Variants in HS6ST3 observed in about 807,000 individuals in gnomAD.
HS6ST3 encodes heparan-sulfate 6-O-sulfotransferase 3.
HS6ST3 carries 12 observed loss-of-function variants against 36.7 expected under a neutral mutation model. That is an observed-to-expected ratio of 0.33 (90% CI 0.21 to 0.53). HS6ST3 has a LOEUF of 0.53. HS6ST3 is among the 20% of genes least tolerant of loss of function. The pLI, the probability that HS6ST3 is intolerant of heterozygous loss-of-function variation, is 0.95. For synonymous variants in HS6ST3, 240 were observed against 257.5 expected (o/e 0.93, Z 0.65); for missense variants, 584 against 640.9 (o/e 0.91, Z 0.96).
intron 1 of HS6ST3, among the ~76,000 whole-genome samples, chr13:96,372,535 C>T (rs2055294745): frequency 6.6e-6 from 1 of 152,042 alleles, no homozygotes; most frequent in African/African-American, 2.4e-5. Context: ...CTTTTGGTGT[C>T]ATATCCAAAA....
Position 96,610,216 on chromosome 13 carries a change from C to T in HS6ST3, c.708-222274C>T, listed in dbSNP as rs547227584. 2.6e-5 allele frequency among the ~76,000 whole-genome samples: 4 copies of T among 152,300 alleles called. No homozygotes were observed. In the South Asian group the frequency reaches 8.3e-4, roughly 32 times the overall value. ...ATGCATTTCAAGGTAGAATTAGCTA[C>T]CCTTCTGGGTCATTGTGAAAAATTA... On this transcript the variant is annotated intron_variant, in intron 1 of 1. Transcript: ENST00000376705.
intron 1 of HS6ST3, among the ~76,000 whole-genome samples, chr13:96,390,625 G>A (rs192829144): frequency 3.3e-5 from 5 of 152,164 alleles, no homozygotes; most frequent in African/African-American, 1.2e-4. Flanking sequence ...ACAATATCCT[G>A]AGATCATTCT....
Position 96,832,560 on chromosome 13 carries a change from A to G in HS6ST3, c.778A>G (p.Arg260Gly). The G allele has an allele frequency of 1.2e-6, 2 of 1,613,454 alleles. No homozygotes were observed. The highest frequency in any genetic ancestry group is 8.5e-7 in the Non-Finnish European group (1 of 1,179,690). Residue 260 changes from arginine to glycine, a missense_variant, in exon 2 of 2, where the codon AGA (arginine) becomes GGA (glycine). Coordinates refer to ENST00000376705, the MANE Select transcript of HS6ST3 (RefSeq NM_153456.4). ...RYLSEWKHVQ[R>G]GATWKTSLHM... The stretch of plus-strand genomic sequence containing the variant: ...CCTGAGCGAGTGGAAACATGTCCAG[A>G]GAGGGGCCACTTGGAAAACCTCTCT...
intron 1 of HS6ST3, among the ~76,000 whole-genome samples, chr13:96,684,849 T>A (rs896099527): frequency 6.6e-6 from 1 of 152,050 alleles, no homozygotes; most frequent in South Asian, 2.1e-4. Flanking sequence ...ACTAGATGCA[T>A]TTAAGAGCTG....
intron 1 of HS6ST3, among the ~76,000 whole-genome samples, chr13:96,170,128 A>C (rs1051290063): frequency 6.6e-6 from 1 of 152,234 alleles, no homozygotes; most frequent in African/African-American, 2.4e-5. Context: ...TGATAATATA[A>C]GTGTTTAATT....
Position 96,726,394 on chromosome 13 carries a change from G to C in HS6ST3, c.708-106096G>C, listed in dbSNP as rs191058298. Among the ~76,000 whole-genome samples, 222 of 152,172 alleles carry C rather than the reference G, an allele frequency of 1.5e-3. 1 individual carries two copies. The highest frequency in any genetic ancestry group is 2.6e-3 in the Non-Finnish European group (177 of 67,992). ...ATTTCCCATTTAGTTTTTCTCATGA[G>C]TGTTTTGTTATTTTCAGTGTACAGG... On this transcript the variant is annotated intron_variant, in intron 1 of 1. Transcript: ENST00000376705.
At position 96,164,881 on chromosome 13, in the gene HS6ST3, G is replaced by A. The variant is rs1362788958; in HGVS notation, c.707+73312G>A. Among the ~76,000 whole-genome samples the A allele has an allele frequency of 3.3e-5, 5 of 151,986 alleles. No homozygotes were observed. In the East Asian group the frequency reaches 7.7e-4, roughly 24 times the overall value. ...TTTTAATTACAGCTGTGTTTTCCAG[G>A]ACTAACAAAGTTTAAAAGATACATT... On this transcript the variant is annotated intron_variant, in intron 1 of 1. Transcript: ENST00000376705.
chr13:96,328,135 A>T (rs1424611145), intron 1 of HS6ST3, among the ~76,000 whole-genome samples: 2 of 142,072 alleles, frequency 1.4e-5, no homozygotes, highest in African/African-American at 2.6e-5. Flanking sequence ...AACAGGGACA[A>T]TTTGACTTCC....
intron 1 of HS6ST3, among the ~76,000 whole-genome samples, chr13:96,538,542 CA>C: frequency 6.6e-6 from 1 of 152,204 alleles, no homozygotes; most frequent in African/African-American, 2.4e-5. Flanking sequence ...CTCCTGGGTT[CA>C]GGTGATTCTC....
intron 1 of HS6ST3, among the ~76,000 whole-genome samples, chr13:96,425,121 T>C (rs1374710465): frequency 6.6e-6 from 1 of 152,156 alleles, no homozygotes; most frequent in African/African-American, 2.4e-5. Flanking sequence ...CTGCCTTCTA[T>C]ATGCATGTAA....
At chr13:96,487,422 A>T (rs1445313654) in intron 1 of HS6ST3, among the ~76,000 whole-genome samples, 3 of 152,112 alleles carry the variant, frequency 2.0e-5, no homozygotes, top group African/African-American at 4.8e-5. Context: ...GTAATGGCTT[A>T]AAAAAGTCTT....
intron 1 of HS6ST3, among the ~76,000 whole-genome samples, chr13:96,828,190 C>T (rs972517947): frequency 6.6e-6 from 1 of 152,138 alleles, no homozygotes; most frequent in African/African-American, 2.4e-5. Context: ...ATAAATTTCA[C>T]CTCCTGATTT....
intron 1 of HS6ST3, among the ~76,000 whole-genome samples, chr13:96,161,249 A>C (rs777349714): frequency 3.3e-5 from 5 of 152,210 alleles, no homozygotes; most frequent in Non-Finnish European, 5.9e-5. Context: ...ACACTCACAG[A>C]GATAGGAGAC....
chr13:96,413,757 T>C (rs1273278277), intron 1 of HS6ST3, among the ~76,000 whole-genome samples: 5 of 152,222 alleles, frequency 3.3e-5, no homozygotes, highest in Non-Finnish European at 7.4e-5. Flanking sequence ...TCTAAATCTG[T>C]CTCTGAATTT....
chr13:96,339,360 C>T (rs767969754), intron 1 of HS6ST3, among the ~76,000 whole-genome samples: 1 of 152,158 alleles, frequency 6.6e-6, no homozygotes. Flanking sequence ...GGATTTTACA[C>T]AGGAGATAAA....
At chr13:96,214,589 T>A (rs2054414927) in intron 1 of HS6ST3, among the ~76,000 whole-genome samples, 1 of 152,206 alleles carries the variant, frequency 6.6e-6, no homozygotes, top group Non-Finnish European at 1.5e-5. Flanking sequence ...TATTTTTAAT[T>A]TTTAATTTTT....
At chr13:96,183,431 T>C (rs759595035) in intron 1 of HS6ST3, among the ~76,000 whole-genome samples, 76 of 152,168 alleles carry the variant, frequency 5.0e-4, no homozygotes, top group Non-Finnish European at 2.8e-4. Context: ...GAGATGTTTT[T>C]CAACTCTTCT....
At chr13:96,496,650 C>A (rs2055978425) in intron 1 of HS6ST3, among the ~76,000 whole-genome samples, 1 of 152,196 alleles carries the variant, frequency 6.6e-6, no homozygotes, top group Non-Finnish European at 1.5e-5. Flanking sequence ...GAAGCCATCT[C>A]AGACATTCCT....
chr13:96,479,187 G>A (rs755210855), intron 1 of HS6ST3, among the ~76,000 whole-genome samples: 36 of 152,190 alleles, frequency 2.4e-4, no homozygotes, highest in Non-Finnish European at 4.3e-4. Context: ...AAGAAGTCAG[G>A]AAAGGAAGCG....
Sources: gnomAD v4.1 joint callset for allele counts (sites outside exome capture counted in the v4.1 genomes callset) on GRCh38, gnomAD v4.1.1 for gene constraint, MANE v1.5 for transcripts, NCBI Gene and HGNC (gene_info 2026-07-23, HGNC 2026-07-21) for gene names.